FHIP2A: variants seen among roughly 807,000 people sequenced by gnomAD.
FHIP2A encodes the protein FHF complex subunit HOOK interacting protein 2A.
Under a neutral mutation model 93.5 loss-of-function variants are expected in FHIP2A, and 46 were observed. The ratio of observed to expected loss-of-function variants is 0.49; its 90% CI spans 0.39 to 0.63. The LOEUF is 0.63. Ranked by LOEUF, FHIP2A falls within the 20% of genes least tolerant of loss-of-function variation. The pLI, the probability that FHIP2A is intolerant of heterozygous loss-of-function variation, is 0.00. For synonymous variants in FHIP2A, 332 were observed against 326.5 expected (o/e 1.02, Z -0.18); for missense variants, 769 against 909.7 (o/e 0.85, Z 1.99).
chr10:114,890,682 C>T (rs2083967639), intron 16 of FHIP2A, among the ~76,000 whole-genome samples: 1 of 144,202 alleles, frequency 6.9e-6, no homozygotes, highest in African/African-American at 2.6e-5. Flanking sequence ...CCGTATATGA[C>T]ATATAGTATA....
At chr10:114,838,724 A>T (rs1348216361) in intron 5 of FHIP2A, among the ~76,000 whole-genome samples, 1 of 152,212 alleles carries the variant, frequency 6.6e-6, no homozygotes, top group Non-Finnish European at 1.5e-5. Context: ...CGAAATATGT[A>T]GGCTTATGTA....
At chr10:114,899,547 C>A (rs2084016947) in exon 17 of FHIP2A, 1 of 717,670 alleles carries the variant, frequency 1.4e-6, no homozygotes, top group South Asian at 1.5e-5. Flanking sequence ...GTCCTCAAAG[C>A]TTCAAGCTCA....
Position 114,886,832 on chromosome 10 carries a change from CT to C in FHIP2A, c.2193-12651del, listed in dbSNP as rs144373195. Among the ~76,000 whole-genome samples the C allele has an allele frequency of 2.6e-5, 4 of 152,134 alleles. No homozygotes were observed. The East Asian group carries it at 7.7e-4, about 29-fold the overall frequency. ...AGTACTGTGAGCCACTGCACCTGGC[CT>C]TTTTTTGTTTTGTTTTGTTGGTTTA... On this transcript the variant is annotated intron_variant, in intron 16 of 16. Coordinates refer to the FHIP2A transcript ENST00000369250.
intron 5 of FHIP2A, among the ~76,000 whole-genome samples, chr10:114,842,388 G>A (rs569131504): frequency 6.6e-6 from 1 of 152,210 alleles, no homozygotes; most frequent in South Asian, 2.1e-4. Flanking sequence ...TAGAGTAGAG[G>A]TTTAAGGAAA....
Position 114,861,948 on chromosome 10 carries a change from ATAAG to A in FHIP2A, c.*411_*414del, listed in dbSNP as rs1429285401. ...CAAATGCTTGTATTCTTTTGGATTAATAAGTAGCAAAAAAAAATCACTAATTTTA... is the reference window on the plus strand; with the variant it reads ...CAAATGCTTGTATTCTTTTGGATTAATAGCAAAAAAAAATCACTAATTTTA... On this transcript the variant is annotated 3_prime_UTR_variant, in exon 17 of 17. Transcript: ENST00000369248. 1 of 986,064 alleles carries A rather than the reference ATAAG, an allele frequency of 1.0e-6. No individual in the cohort carries two copies. The highest frequency in any genetic ancestry group is 1.2e-6 in the Non-Finnish European group (1 of 830,158). The allele number at this position is 986,064 out of a possible 1,614,324, so 61.1% of individuals were successfully genotyped here. A position where few individuals can be genotyped will look rare whatever the true frequency, so the allele number is the denominator to read the frequency against.
intron 13 of FHIP2A, among the ~76,000 whole-genome samples, chr10:114,853,025 C>T (rs2083745848): frequency 6.6e-6 from 1 of 152,208 alleles, no homozygotes; most frequent in Non-Finnish European, 1.5e-5. Context: ...CCCTTCCCAA[C>T]AGTAAAGGTA....
At chr10:114,853,138 A>G (rs984750755) in intron 13 of FHIP2A, among the ~76,000 whole-genome samples, 3 of 152,280 alleles carry the variant, frequency 2.0e-5, no homozygotes, top group Non-Finnish European at 2.9e-5. Flanking sequence ...TCTCTTGAGG[A>G]TAGGATTCAT....
At position 114,863,029 on chromosome 10, in the gene FHIP2A, A is replaced by G; in HGVS notation, c.*1489A>G. The G allele has an allele frequency of 2.0e-6, 2 of 985,350 alleles. No individual in the cohort carries two copies. The highest frequency in any genetic ancestry group is 2.4e-6 in the Non-Finnish European group (2 of 829,836). 61.0% of individuals were successfully genotyped at this position (985,350 alleles called of 1,614,324 possible). ...CATAGTTTGTTCTTGCTATTTATTA[A>G]GAACAGAATATCAAAAGATTATGAA... On this transcript the variant is annotated 3_prime_UTR_variant, in exon 17 of 17. Coordinates refer to ENST00000369248, the MANE Select transcript of FHIP2A (RefSeq NM_020940.4).
At chr10:114,826,381 T>G (rs7100519) in intron 1 of FHIP2A, among the ~76,000 whole-genome samples, 2,492 of 152,356 alleles carry the variant, frequency 0.016, 77 homozygotes, top group African/African-American at 0.057. Context: ...TTACTTGATA[T>G]GTATACATTT....
downstream of FHIP2A, among the ~76,000 whole-genome samples, chr10:114,866,568 C>T (rs2083830294): frequency 6.6e-6 from 1 of 152,094 alleles, no homozygotes; most frequent in Non-Finnish European, 1.5e-5. Flanking sequence ...ACAAACCAAA[C>T]AAGAATTTTG....
rs190269872 is a variant in FHIP2A at position 114,851,214 on chromosome 10, A to G, written c.1803+2477A>G. Reference sequence around the variant, plus strand: ...CAGTTATGAGCCACTGCACCTGGCCAAAAGTTTTTAATTTTGATAAAGTGC... The same window carrying G: ...CAGTTATGAGCCACTGCACCTGGCCGAAAGTTTTTAATTTTGATAAAGTGC... On this transcript the variant is annotated intron_variant, in intron 13 of 16. Coordinates refer to ENST00000369248, the MANE Select transcript of FHIP2A (RefSeq NM_020940.4). Among the ~76,000 whole-genome samples, 590 of 152,302 alleles carry G rather than the reference A, an allele frequency of 3.9e-3. 3 individuals are homozygous for G. The highest frequency in any genetic ancestry group is 5.2e-3 in the Non-Finnish European group (356 of 68,020).
downstream of FHIP2A, among the ~76,000 whole-genome samples, chr10:114,864,955 C>A (rs1460753087): frequency 6.6e-6 from 1 of 151,840 alleles, no homozygotes; most frequent in African/African-American, 2.4e-5. Context: ...TAATCACTGC[C>A]CAAAAGGAAG....
At chr10:114,854,123 A>G (rs1329784940) in intron 13 of FHIP2A, among the ~76,000 whole-genome samples, 2 of 151,278 alleles carry the variant, frequency 1.3e-5, no homozygotes, top group East Asian at 3.9e-4. Flanking sequence ...AACTATCTGT[A>G]GTGAAAGACC....
intron 1 of FHIP2A, among the ~76,000 whole-genome samples, chr10:114,825,327 C>T (rs2083566900): frequency 6.6e-6 from 1 of 152,184 alleles, no homozygotes; most frequent in African/African-American, 2.4e-5. Flanking sequence ...ATACCTGGCC[C>T]AAATAGTTTT....
chr10:114,852,188 A>G (rs2083741226), intron 13 of FHIP2A, among the ~76,000 whole-genome samples: 4 of 149,850 alleles, frequency 2.7e-5, no homozygotes, highest in African/African-American at 7.4e-5. Flanking sequence ...TACTCTGTCC[A>G]CCATATTATG....
chr10:114,843,840 T>G lies in FHIP2A; in HGVS notation c.916T>G (p.Cys306Gly). Residue 306 changes from cysteine to glycine, a missense_variant, in exon 7 of 17, where the codon TGT (cysteine) becomes GGT (glycine). By Grantham distance (159) the Cys-to-Gly change is radical. Transcript: ENST00000369248. ...AKCLTQSTCLCELLTDRLASL... is the reference protein window; with the variant it reads ...AKCLTQSTCLGELLTDRLASL... Reference sequence around the variant, plus strand: ...GTGCCTTACACAGAGCACTTGCTTGTGTGAACTACTGACAGACAGACTTGC... The same window carrying G: ...GTGCCTTACACAGAGCACTTGCTTGGGTGAACTACTGACAGACAGACTTGC... 2 of 1,612,086 alleles carry G rather than the reference T, an allele frequency of 1.2e-6. No individual in the cohort carries two copies. The highest frequency in any genetic ancestry group is 1.7e-6 in the Non-Finnish European group (2 of 1,179,624).
chr10:114,849,868 C>G (rs2083724522), intron 13 of FHIP2A, among the ~76,000 whole-genome samples: 1 of 152,180 alleles, frequency 6.6e-6, no homozygotes, highest in Admixed American at 6.5e-5. Flanking sequence ...TGGAATCATA[C>G]TATATGTGAC....
At position 114,843,407 on chromosome 10, in the gene FHIP2A, C is replaced by T. The variant is rs899845320; in HGVS notation, c.816+181C>T. Among the ~76,000 whole-genome samples, 22 of 151,518 alleles carry T rather than the reference C, an allele frequency of 1.5e-4. No individual in the cohort carries two copies. In the East Asian group the frequency reaches 3.7e-3, roughly 25 times the overall value. ...TGCAACCTCCGCCTCTGGGTTCAAG[C>T]GATTCTCCTGCCTCAGCCTCCCTAG... On this transcript the variant is annotated intron_variant, in intron 6 of 16. Transcript: ENST00000369248.
At position 114,848,678 on chromosome 10, in the gene FHIP2A, T is replaced by C. The variant is rs2083716635; in HGVS notation, c.1744T>C (p.Ser582Pro). 6.2e-7 allele frequency: 1 copy of C among 1,611,968 alleles called. No individual in the cohort carries two copies. Among genetic ancestry groups the C allele is most frequent in the Non-Finnish European group, 8.5e-7 (1 of 1,178,942 alleles). The change falls in exon 13 of 17, where the codon TCC (serine) becomes CCC (proline). Residue 582 changes from serine to proline, a missense_variant. Ser to Pro is a moderately conservative substitution (Grantham distance 74, BLOSUM62 -1). Transcript: ENST00000369248. ...FLCLVPDDAK[S>P]SYHVEGTGYD... ...CTGTCTGGTACCGGATGACGCAAAA[T>C]CCTCCTACCATGTTGAGGGCACAGG...
Sources: allele counts gnomAD v4.1 joint callset (sites outside exome capture counted in the v4.1 genomes callset), GRCh38; gene constraint gnomAD v4.1.1; transcripts MANE v1.5; gene names NCBI Gene and HGNC (gene_info 2026-07-23, HGNC 2026-07-21).